Variants in KLHL1 observed in about 807,000 individuals in gnomAD.
KLHL1 encodes the protein kelch-like protein 1.
A neutral mutation model predicts 77.7 loss-of-function variants in KLHL1; 47 were observed. That is an observed-to-expected ratio of 0.60 (90% CI 0.48 to 0.77). KLHL1 has a LOEUF of 0.77. Ranked by LOEUF, KLHL1 falls within the 30% of genes least tolerant of loss-of-function variation. The pLI, the probability that KLHL1 is intolerant of heterozygous loss-of-function variation, is 0.00. For synonymous variants in KLHL1, 360 were observed against 325.2 expected (o/e 1.11, Z -1.15); for missense variants, 925 against 910.8 (o/e 1.02, Z -0.20).
intron 3 of KLHL1, among the ~76,000 whole-genome samples, chr13:69,940,498 T>C (rs1195556840): frequency 6.6e-6 from 1 of 152,254 alleles, no homozygotes; most frequent in South Asian, 2.1e-4. Context: ...GAAATGATAG[T>C]TCTTCCTTTG....
At chr13:69,939,273 T>A (rs894762062) in intron 4 of KLHL1, among the ~76,000 whole-genome samples, 1 of 145,114 alleles carries the variant, frequency 6.9e-6, no homozygotes, top group African/African-American at 2.5e-5. Flanking sequence ...AACTGTACAA[T>A]TGAAATGGCT....
At chr13:69,885,313 A>C (rs974270124) in intron 4 of KLHL1, among the ~76,000 whole-genome samples, 1 of 152,058 alleles carries the variant, frequency 6.6e-6, no homozygotes, top group Non-Finnish European at 1.5e-5. Context: ...AGTTACACTA[A>C]ATCTTTTGGT....
chr13:69,724,764 A>C (rs1045998722), intron 8 of KLHL1, among the ~76,000 whole-genome samples: 5 of 152,180 alleles, frequency 3.3e-5, no homozygotes, highest in African/African-American at 1.2e-4. Context: ...CAATAGATGC[A>C]GAAAATGCAT....
chr13:69,732,656 C>CT (rs34871954), intron 8 of KLHL1, among the ~76,000 whole-genome samples: 2,989 of 145,682 alleles, frequency 0.021, 75 homozygotes, highest in African/African-American at 0.065. Context: ...TGTTTGTTTG[C>CT]TTTTTTTTTT....
intron 7 of KLHL1, among the ~76,000 whole-genome samples, chr13:69,776,799 T>C (rs1875849298): frequency 6.6e-6 from 1 of 152,198 alleles, no homozygotes; most frequent in Non-Finnish European, 1.5e-5. Context: ...TGGTAACTTC[T>C]GTAGTTAAAT....
At chr13:69,974,989 T>C (rs187739499) in intron 2 of KLHL1, among the ~76,000 whole-genome samples, 2 of 152,162 alleles carry the variant, frequency 1.3e-5, no homozygotes, top group African/African-American at 4.8e-5. Flanking sequence ...TCCCCATGTA[T>C]TCCAAGACAC....
intron 1 of KLHL1, among the ~76,000 whole-genome samples, chr13:70,002,085 T>C (rs1429685756): frequency 4.0e-5 from 6 of 151,650 alleles, no homozygotes; most frequent in Non-Finnish European, 7.4e-5. Flanking sequence ...TTCTGCTTGA[T>C]AGAACAAAAT....
chr13:69,753,919 C>T (rs1418776830), intron 7 of KLHL1, among the ~76,000 whole-genome samples: 1 of 152,110 alleles, frequency 6.6e-6, no homozygotes, highest in Non-Finnish European at 1.5e-5. Context: ...TCACTGCATC[C>T]TTGACCTCCC....
chr13:69,951,556 T>C (rs1883712605), intron 3 of KLHL1, among the ~76,000 whole-genome samples: 1 of 151,526 alleles, frequency 6.6e-6, no homozygotes, highest in Non-Finnish European at 1.5e-5. Context: ...TTTAATAGTT[T>C]ATCTCACATT....
chr13:70,066,105 A>C (rs1886999232), intron 1 of KLHL1, among the ~76,000 whole-genome samples: 1 of 152,198 alleles, frequency 6.6e-6, no homozygotes, highest in Non-Finnish European at 1.5e-5. Flanking sequence ...TAACTGAACT[A>C]AATCAAGCAA....
chr13:69,860,692 T>G (rs905364605), intron 5 of KLHL1, among the ~76,000 whole-genome samples: 2 of 151,870 alleles, frequency 1.3e-5, no homozygotes, highest in African/African-American at 4.8e-5. Flanking sequence ...ATTTTGTACA[T>G]GTTTAAATCA....
At chr13:70,045,575 AAC>A (rs35057277) in intron 1 of KLHL1, among the ~76,000 whole-genome samples, 10 of 150,526 alleles carry the variant, frequency 6.6e-5, no homozygotes, top group Admixed American at 1.3e-4. Context: ...AAAAACACAC[AAC>A]ACACACACAC....
At chr13:70,046,791 G>C (rs1441552) in intron 1 of KLHL1, among the ~76,000 whole-genome samples, 49,182 of 151,992 alleles carry the variant, frequency 0.32, 8,763 homozygotes, top group East Asian at 0.68. Context: ...TGGAATTAAA[G>C]GCCCTTACAC....
chr13:70,030,709 C>G (rs1886076093), intron 1 of KLHL1, among the ~76,000 whole-genome samples: 1 of 152,006 alleles, frequency 6.6e-6, no homozygotes, highest in Non-Finnish European at 1.5e-5. Flanking sequence ...CAAACACATT[C>G]AAAAGCTAGC....
At chr13:69,864,619 T>C (rs1023058715) in intron 5 of KLHL1, among the ~76,000 whole-genome samples, 1 of 152,140 alleles carries the variant, frequency 6.6e-6, no homozygotes, top group African/African-American at 2.4e-5. Flanking sequence ...AAAAATTCCA[T>C]ACTCACAAGG....
chr13:69,796,595 T>G (rs745617375), intron 7 of KLHL1, 143 bp downstream of exon 7: 56 of 666,280 alleles, frequency 8.4e-5, no homozygotes, highest in Admixed American at 1.9e-4. Context: ...CCAAGAAATT[T>G]TTCTATGTTA....
At chr13:69,833,810 T>C (rs931495274) in intron 6 of KLHL1, among the ~76,000 whole-genome samples, 1 of 149,442 alleles carries the variant, frequency 6.7e-6, no homozygotes, top group African/African-American at 2.5e-5. Context: ...TATATATATA[T>C]ATACACACAC....
chr13:69,804,314 G>T (rs893162571), intron 6 of KLHL1, among the ~76,000 whole-genome samples: 2 of 151,834 alleles, frequency 1.3e-5, no homozygotes, highest in Non-Finnish European at 2.9e-5. Flanking sequence ...TTGTGGGGGG[G>T]GGAAATAGTA....
chr13:69,762,460 C>G (rs1320327120), intron 7 of KLHL1, among the ~76,000 whole-genome samples: 1 of 151,822 alleles, frequency 6.6e-6, no homozygotes, highest in African/African-American at 2.4e-5. Context: ...TCATGATTCA[C>G]CAACTGAGGA....
Sources: allele counts gnomAD v4.1 joint callset (sites outside exome capture counted in the v4.1 genomes callset), GRCh38; gene constraint gnomAD v4.1.1; transcripts MANE v1.5; gene names NCBI Gene and HGNC (gene_info 2026-07-23, HGNC 2026-07-21).